ACSS2: variants seen among roughly 807,000 people sequenced by gnomAD.
ACSS2 encodes acetyl-coenzyme A synthetase, cytoplasmic.
Under a neutral mutation model 90.6 loss-of-function variants are expected in ACSS2, and 58 were observed. That is an observed-to-expected ratio of 0.64 (90% confidence interval 0.52 to 0.80). ACSS2 has a LOEUF of 0.80. Ranked by LOEUF, ACSS2 falls within the 30% of genes least tolerant of loss-of-function variation. ACSS2 has a pLI of 0.00. For missense variants in ACSS2, 759 were observed against 912.0 expected (o/e 0.83, Z 2.16); for synonymous variants, 300 against 330.9 (o/e 0.91, Z 1.01).
chr20:34,915,386 C>G (rs752840985), intron 7 of ACSS2: 49 of 1,017,434 alleles, frequency 4.8e-5, no homozygotes, highest in Non-Finnish European at 3.8e-5. Flanking sequence ...CCCTGGGCAA[C>G]TTGACATCTA....
rs1410628617 is a variant in ACSS2, at chr20:34,926,177, T to C, written c.1799T>C (p.Val600Ala). 1.2e-6 allele frequency: 2 copies of C among 1,614,182 alleles called. No individual in the cohort carries two copies. The highest frequency in any genetic ancestry group is 1.7e-6 in the Non-Finnish European group (2 of 1,180,034). Reference sequence around the variant, plus strand: ...GAGGCTGTTGCAGAGGCAGCTGTGGTGGGCCACCCTCATCCTGTGAAGGGT... The same window carrying C: ...GAGGCTGTTGCAGAGGCAGCTGTGGCGGGCCACCCTCATCCTGTGAAGGGT... ...EHEAVAEAAV[V>A]GHPHPVKGEC... is the part of the protein sequence containing the mutation. Residue 600 changes from valine (V) to alanine (A), a missense_variant, in exon 16 of 18, where the codon GTG becomes GCG. By Grantham distance (64) the Val-to-Ala change is moderately conservative (BLOSUM62 0). Transcript: ENST00000360596.
intron 16 of ACSS2, among the ~76,000 whole-genome samples, chr20:34,926,566 A>G (rs1268220899): frequency 6.6e-6 from 1 of 152,188 alleles, no homozygotes; most frequent in Admixed American, 6.5e-5. Flanking sequence ...AACAGATCTT[A>G]TTGTTACCTT....
At chr20:34,885,588 T>G (rs1205795098) in intron 2 of ACSS2, among the ~76,000 whole-genome samples, 3 of 152,238 alleles carry the variant, frequency 2.0e-5, no homozygotes, top group African/African-American at 7.2e-5. Flanking sequence ...CATAATAAAT[T>G]GCCTTTGTGT....
rs6088649 is a variant in ACSS2 at position 34,926,154 on chromosome 20, G to A, written c.1776G>A (p.Glu592=). ...AEVESALVEH[E]AVAEAAVVGH... ...TGGAGTCAGCACTTGTGGAACATGA[G>A]GCTGTTGCAGAGGCAGCTGTGGTGG... The change falls in exon 16 of 18, where the codon GAG becomes GAA. Residue 592 remains glutamate (E), a synonymous_variant. Transcript: ENST00000360596. 12 of 1,614,238 alleles carry A rather than the reference G, an allele frequency of 7.4e-6. No individual in the cohort carries two copies. In the Admixed American group the frequency reaches 1.0e-4, roughly 13 times the overall value.
chr20:34,925,807 T>C (rs1447930812), intron 15 of ACSS2, 41 bp downstream of exon 15: 3 of 1,595,898 alleles, frequency 1.9e-6, no homozygotes, highest in Non-Finnish European at 2.6e-6. Flanking sequence ...TTAACTCTGC[T>C]CCTCTGACAA....
chr20:34,890,507 G>T (rs1281184662), intron 2 of ACSS2, among the ~76,000 whole-genome samples: 1 of 152,108 alleles, frequency 6.6e-6, no homozygotes, highest in Non-Finnish European at 1.5e-5. Context: ...GAGGACTGTC[G>T]GGGATTTGGG....
chr20:34,924,793 G>A (rs1430487472), intron 14 of ACSS2, among the ~76,000 whole-genome samples: 3 of 151,848 alleles, frequency 2.0e-5, no homozygotes, highest in Non-Finnish European at 4.4e-5. Context: ...TCCACCTCCC[G>A]GGTTCAAGCA....
intron 2 of ACSS2, among the ~76,000 whole-genome samples, chr20:34,889,834 G>A (rs987756049): frequency 5.3e-5 from 8 of 152,158 alleles, no homozygotes; most frequent in Non-Finnish European, 8.8e-5. Context: ...GAGGAGTTAC[G>A]GTTGTCATCA....
chr20:34,904,359 C>A (rs1274697134), intron 2 of ACSS2, among the ~76,000 whole-genome samples: 1 of 151,252 alleles, frequency 6.6e-6, no homozygotes, highest in African/African-American at 2.4e-5. Flanking sequence ...AAGTAGAGGG[C>A]AAAGGCTCTG....
At chr20:34,886,994 T>G (rs2080210409) in intron 2 of ACSS2, among the ~76,000 whole-genome samples, 1 of 152,230 alleles carries the variant, frequency 6.6e-6, no homozygotes, top group African/African-American at 2.4e-5. Context: ...ATGGTGCTCT[T>G]AGGAAAGTAC....
chr20:34,915,365 C>A (rs1210567683), intron 7 of ACSS2: 6 of 1,322,146 alleles, frequency 4.5e-6, no homozygotes, highest in Non-Finnish European at 6.5e-6. Flanking sequence ...ACCTAACCTC[C>A]TTCCCCTTGC....
Position 34,913,845 on chromosome 20 carries a change from C to T in ACSS2, c.643+20C>T, listed in dbSNP as rs752996933. 4.4e-6 allele frequency: 7 copies of T among 1,608,766 alleles called. No homozygotes were observed. The highest frequency in any genetic ancestry group is 6.0e-6 in the Non-Finnish European group (7 of 1,175,240). ...CTACAGGTGACTAATTCTCTCACCT[C>T]TTCTCCAGAACCCCCCATACCTCAA... On this transcript the variant is annotated intron_variant, in intron 5 of 17. Transcript: ENST00000360596.
Position 34,876,823 on chromosome 20 carries a change from G to A in ACSS2, c.178G>A (p.Glu60Lys), listed in dbSNP as rs2079925125. 2 of 1,300,788 alleles carry A rather than the reference G, an allele frequency of 1.5e-6. No homozygotes were observed. Among genetic ancestry groups the A allele is most frequent in the Admixed American group, 4.2e-5 (1 of 23,956 alleles). 80.6% of individuals were successfully genotyped at this position (1,300,788 alleles called of 1,614,324 possible). A position where few individuals can be genotyped will look rare whatever the true frequency, so the allele number is the denominator to read the frequency against. ...CCGGCGCTCCGTGGAGGAGCCGCGG[G>A]GTGAGGCCCGGCCCGGGCGGGCCTG... ...LHRRSVEEPR[E>K]FWGDIAKEFY... The change falls in exon 1 of 18, where the codon GAA (glutamate) becomes AAA (lysine). Residue 60 changes from glutamate to lysine, a missense_variant and splice_region_variant. By Grantham distance (56) the Glu-to-Lys change is moderately conservative. Transcript: ENST00000360596.
At position 34,899,470 on chromosome 20, in the gene ACSS2, T is replaced by TTCCTTC. The variant is rs1363808926; in HGVS notation, c.375-13626_375-13625insTCCTTC. Among the ~76,000 whole-genome samples, 306 of 107,662 alleles carry TTCCTTC rather than the reference T, an allele frequency of 2.8e-3. 8 individuals are homozygous for TTCCTTC. The East Asian group carries it at 0.039, about 14-fold the overall frequency. The allele number at this position is 107,662 out of a possible 152,430, so 70.6% of individuals were successfully genotyped here. On this transcript the variant is annotated intron_variant, in intron 2 of 17. Coordinates refer to ENST00000360596, the MANE Select transcript of ACSS2 (RefSeq NM_018677.4). ...TCCTTCCTTCCTTCCTTCCTTCCTT[T>TTCCTTC]CTTTTTCTTTCTTTTCTTTCTTTTT...
At chr20:34,906,417 C>G (rs2080807718) in intron 2 of ACSS2, among the ~76,000 whole-genome samples, 1 of 151,930 alleles carries the variant, frequency 6.6e-6, no homozygotes, top group Non-Finnish European at 1.5e-5. Flanking sequence ...CTCACCTTTC[C>G]CAACCAGCCA....
intron 2 of ACSS2, among the ~76,000 whole-genome samples, chr20:34,905,248 A>G (rs2080768819): frequency 6.6e-6 from 1 of 151,616 alleles, no homozygotes; most frequent in Non-Finnish European, 1.5e-5. Flanking sequence ...TGGTCAACAC[A>G]TATAAATTCA....
In ACSS2 at chr20:34,882,856, C is replaced by T. The variant is rs60379405; in HGVS notation, c.241C>T (p.Arg81Trp). 1.1e-4 allele frequency: 185 copies of T among 1,613,496 alleles called. No individual in the cohort carries two copies. The highest frequency in any genetic ancestry group is 1.5e-4 in the Non-Finnish European group (175 of 1,179,866). Residue 81 changes from arginine (R) to tryptophan (W), a missense_variant, in exon 2 of 18, where the codon CGG (arginine) becomes TGG (tryptophan). Arg to Trp is a moderately radical substitution (Grantham distance 101). Coordinates refer to ENST00000360596, the MANE Select transcript of ACSS2 (RefSeq NM_018677.4). ...WKTPCPGPFL[R>W]YNFDVTKGKI... is the part of the protein sequence containing the mutation. Reference sequence around the variant, plus strand: ...GACTCCATGCCCTGGCCCATTCCTTCGGTACAACTTTGATGTGACTAAAGG... The same window carrying T: ...GACTCCATGCCCTGGCCCATTCCTTTGGTACAACTTTGATGTGACTAAAGG...
intron 5 of ACSS2, 96 bp downstream of exon 5, chr20:34,913,921 G>A: frequency 1.4e-6 from 2 of 1,403,670 alleles, no homozygotes; most frequent in Non-Finnish European, 2.0e-6. Context: ...CAGCATAGAG[G>A]GTAGAGACTG....
chr20:34,921,958 G>A, intron 13 of ACSS2, 92 bp downstream of exon 13: 1 of 1,526,648 alleles, frequency 6.6e-7, no homozygotes, highest in Non-Finnish European at 8.8e-7. Flanking sequence ...AATCTCTCCT[G>A]GTAGCTGCTT....
Sources: allele counts gnomAD v4.1 joint callset (sites outside exome capture counted in the v4.1 genomes callset), GRCh38; gene constraint gnomAD v4.1.1; transcripts MANE v1.5; gene names NCBI Gene and HGNC (gene_info 2026-07-23, HGNC 2026-07-21).